The following SCD5 variants were observed in gnomAD, a reference collection of about 807,000 sequenced individuals.
The protein encoded by SCD5 is stearoyl-CoA desaturase 5, also known as acyl-CoA-desaturase 4.
A neutral mutation model predicts 30.4 loss-of-function variants in SCD5; 20 were observed. That is an observed-to-expected ratio of 0.66 (90% CI 0.46 to 0.96). SCD5 has a LOEUF of 0.96. Among genes scored for constraint, SCD5 ranks in the 40% least tolerant of loss-of-function variants. SCD5 has a pLI of 0.00. For synonymous variants in SCD5, 173 were observed against 176.4 expected (o/e 0.98, Z 0.16); for missense variants, 381 against 443.3 (o/e 0.86, Z 1.26).
At chr4:82,650,927 G>A (rs947455480) in intron 3 of SCD5, among the ~76,000 whole-genome samples, 6 of 148,586 alleles carry the variant, frequency 4.0e-5, no homozygotes, top group East Asian at 2.0e-4. Context: ...CTATTACATG[G>A]TAAATAAATT....
At chr4:82,649,348 G>T (rs1727698006) in intron 3 of SCD5, among the ~76,000 whole-genome samples, 1 of 151,994 alleles carries the variant, frequency 6.6e-6, no homozygotes, top group Non-Finnish European at 1.5e-5. Context: ...CTGTGACAAG[G>T]CTTCAACTAT....
intron 1 of SCD5, among the ~76,000 whole-genome samples, chr4:82,716,102 G>C (rs919474318): frequency 6.6e-6 from 1 of 151,888 alleles, no homozygotes; most frequent in African/African-American, 2.4e-5. Flanking sequence ...TTCAGCCTGA[G>C]AGCGTTCCAT....
intron 3 of SCD5, among the ~76,000 whole-genome samples, chr4:82,664,377 G>C (rs1014130473): frequency 6.6e-6 from 1 of 152,100 alleles, no homozygotes; most frequent in Admixed American, 6.5e-5. Context: ...TATTTACCTT[G>C]GTCTTTCTGT....
chr4:82,640,008 C>A (rs1259999762), intron 3 of SCD5, among the ~76,000 whole-genome samples: 1 of 152,150 alleles, frequency 6.6e-6, no homozygotes, highest in Non-Finnish European at 1.5e-5. Context: ...GGGGTAGACA[C>A]CCTCGAGTCA....
intron 2 of SCD5, among the ~76,000 whole-genome samples, chr4:82,682,693 C>T (rs1728603528): frequency 6.6e-6 from 1 of 152,146 alleles, no homozygotes; most frequent in Non-Finnish European, 1.5e-5. Flanking sequence ...ATTGCCCAGG[C>T]TAGAGTACAG....
intron 1 of SCD5, among the ~76,000 whole-genome samples, chr4:82,726,406 A>T (rs1720469801): frequency 6.9e-6 from 1 of 145,144 alleles, no homozygotes; most frequent in South Asian, 2.2e-4. Context: ...AACAACAGCG[A>T]AACTCTGTCT....
At chr4:82,703,092 G>A (rs565191168) in intron 2 of SCD5, among the ~76,000 whole-genome samples, 10 of 152,304 alleles carry the variant, frequency 6.6e-5, no homozygotes, top group East Asian at 3.9e-4. Flanking sequence ...CCATGAAGGC[G>A]AAGCTTGTGA....
intron 1 of SCD5, among the ~76,000 whole-genome samples, chr4:82,718,043 T>C (rs1438863107): frequency 6.7e-6 from 1 of 149,492 alleles, no homozygotes; most frequent in African/African-American, 2.5e-5. Context: ...TGTCATCATC[T>C]GAACTGAGTA....
Position 82,653,023 on chromosome 4 carries a change from C to T in SCD5, c.570-16200G>A, listed in dbSNP as rs555950149. ...AAAAATTAGCTTGGGTATGGTGGTA[C>T]GTGCCTGTAGTCCTGGCTACTTGGG... On this transcript the variant is annotated intron_variant, in intron 3 of 4. Coordinates refer to ENST00000319540, the MANE Select transcript of SCD5 (RefSeq NM_001037582.3). Among the ~76,000 whole-genome samples the T allele has an allele frequency of 7.2e-5, 11 of 152,094 alleles. No homozygotes were observed. The South Asian group carries it at 1.9e-3, about 26-fold the overall frequency.
At chr4:82,665,051 T>TATACAC (rs1296922624) in intron 3 of SCD5, among the ~76,000 whole-genome samples, 4,275 of 79,878 alleles carry the variant, frequency 0.054, 132 homozygotes, top group South Asian at 0.16. Flanking sequence ...CACACATATA[T>TATACAC]ACACACACAC....
chr4:82,789,496 T>C (rs978952514), intron 1 of SCD5, among the ~76,000 whole-genome samples: 8 of 152,200 alleles, frequency 5.3e-5, no homozygotes, highest in Non-Finnish European at 8.8e-5. Flanking sequence ...TGAGATTTGT[T>C]TTCTCTAACA....
At chr4:82,667,884 C>T (rs1391377620) in intron 3 of SCD5, among the ~76,000 whole-genome samples, 1 of 152,058 alleles carries the variant, frequency 6.6e-6, no homozygotes, top group Non-Finnish European at 1.5e-5. Flanking sequence ...GACTTCAGGG[C>T]TCAAGCTGTT....
rs201804434 is a variant in SCD5 at position 82,798,277 on chromosome 4, G to A, written c.232+29C>T. 1.1e-4 allele frequency: 175 copies of A among 1,537,194 alleles called. 1 individual carries two copies. In the African/African-American group the frequency reaches 2.0e-3, roughly 18 times the overall value. On this transcript the variant is annotated intron_variant, in intron 1 of 4. Coordinates refer to ENST00000319540, the MANE Select transcript of SCD5 (RefSeq NM_001037582.3). ...CCAGCGCGGCCTGGCCACGGAGGCC[G>A]GGGCGCAGGGGGCGCCGGCGGGACT...
chr4:82,666,477 T>G (rs750207666), intron 3 of SCD5, among the ~76,000 whole-genome samples: 1 of 150,564 alleles, frequency 6.6e-6, no homozygotes, highest in Non-Finnish European at 1.5e-5. Context: ...ATCGCGCCAC[T>G]GCACTCCAGC....
At chr4:82,729,309 G>T (rs1433370772) in intron 1 of SCD5, among the ~76,000 whole-genome samples, 1 of 152,202 alleles carries the variant, frequency 6.6e-6, no homozygotes, top group African/African-American at 2.4e-5. Flanking sequence ...CTGTACCTAT[G>T]GTGGTGAGGA....
chr4:82,781,193 T>C (rs892936761), intron 1 of SCD5, among the ~76,000 whole-genome samples: 2 of 152,126 alleles, frequency 1.3e-5, no homozygotes, highest in African/African-American at 4.8e-5. Flanking sequence ...GGCAGGCAGA[T>C]TGCCTGAGCT....
Position 82,660,661 on chromosome 4 carries a change from A to C in SCD5, c.569+20046T>G. On this transcript the variant is annotated intron_variant, in intron 3 of 4. Transcript: ENST00000319540. The stretch of plus-strand genomic sequence containing the variant: ...AATAGAATCTCAGAGACAGAATGAC[A>C]AAACTGAAATCTTTTTGATTTTAGG... 4.3e-6 allele frequency: 6 copies of C among 1,401,870 alleles called. No homozygotes were observed. The South Asian group carries it at 9.5e-5, about 22-fold the overall frequency. The allele number at this position is 1,401,870 out of a possible 1,614,324, so 86.8% of individuals were successfully genotyped here.
chr4:82,664,987 C>CTA lies in SCD5; in HGVS notation c.569+15719_569+15720insTA, dbSNP rs1482673253. On this transcript the variant is annotated intron_variant, in intron 3 of 4. Coordinates refer to ENST00000319540, the MANE Select transcript of SCD5 (RefSeq NM_001037582.3). ...TCTCTCTCTCTCTCTCTCTCTCTCT[C>CTA]TCTCTCTCTCTCTATATATATATAT... Among the ~76,000 whole-genome samples, 37 of 108,722 alleles carry CTA rather than the reference C, an allele frequency of 3.4e-4. 1 individual carries two copies. The highest frequency in any genetic ancestry group is 2.4e-3 in the East Asian group (10 of 4,162). The allele number at this position is 108,722 out of a possible 152,430, so 71.3% of individuals were successfully genotyped here.
At chr4:82,778,764 C>T (rs1721806872) in intron 1 of SCD5, among the ~76,000 whole-genome samples, 2 of 152,208 alleles carry the variant, frequency 1.3e-5, no homozygotes, top group Non-Finnish European at 2.9e-5. Context: ...AGCAGAATAA[C>T]AGCTCCCAGA....
Sources: gnomAD v4.1 joint callset for allele counts (sites outside exome capture counted in the v4.1 genomes callset) on GRCh38, gnomAD v4.1.1 for gene constraint, MANE v1.5 for transcripts, NCBI Gene and HGNC (gene_info 2026-07-23, HGNC 2026-07-21) for gene names.